UBR1: variants seen among roughly 807,000 people sequenced by gnomAD.
UBR1 encodes the protein E3 ubiquitin-protein ligase UBR1.
Under a neutral mutation model 242.1 loss-of-function variants are expected in UBR1, and 102 were observed. That is an observed-to-expected ratio of 0.42 (90% CI 0.36 to 0.50). The LOEUF (loss-of-function observed/expected upper bound fraction) is 0.50. Ranked by LOEUF, UBR1 falls within the 20% of genes least tolerant of loss-of-function variation. The pLI is 0.01. For missense variants in UBR1, 1,772 were observed against 2,101.8 expected, an observed-to-expected ratio of 0.84 and a Z score of 3.07; for synonymous variants, 675 against 684.8, an observed-to-expected ratio of 0.99 and a Z score of 0.22.
chr15:43,059,276 G>A (rs1596123824), intron 8 of UBR1, 84 bp from the exon 9 acceptor site: 1 of 1,307,080 alleles, frequency 7.7e-7, no homozygotes, highest in East Asian at 2.4e-5. Context: ...TGTTGCCCAG[G>A]TTGGTCTTGA....
intron 27 of UBR1, among the ~76,000 whole-genome samples, chr15:43,020,799 G>A (rs1274437619): frequency 1.3e-5 from 2 of 152,152 alleles, no homozygotes; most frequent in African/African-American, 2.4e-5. Context: ...TCTTCCTGGA[G>A]TACTCTTCCA....
intron 43 of UBR1, 48 bp downstream of exon 43, chr15:42,960,597 A>C (rs2031998171): frequency 1.3e-6 from 2 of 1,587,316 alleles, no homozygotes; most frequent in Admixed American, 1.7e-5. Context: ...CTACTTTAGG[A>C]AACACAACTT....
intron 3 of UBR1, among the ~76,000 whole-genome samples, chr15:43,079,011 T>C (rs2033941830): frequency 2.0e-5 from 3 of 151,970 alleles, no homozygotes; most frequent in Admixed American, 2.0e-4. Context: ...GAAAAGTTAA[T>C]GAATAACATT....
Position 43,042,462 on chromosome 15 carries a change from G to T in UBR1, c.1849+753C>A, listed in dbSNP as rs142647603. Among the ~76,000 whole-genome samples, 86 of 152,260 alleles carry T rather than the reference G, an allele frequency of 5.6e-4. No homozygotes were observed. The East Asian group carries it at 0.015, about 26-fold the overall frequency. ...ATACTGTTTGAGTCAACTTATAATA[G>T]GTACCTAGAGTAGTCAAATTCATAG... is the stretch of plus-strand genomic sequence containing the variant. On this transcript the variant is annotated intron_variant, in intron 15 of 46. Coordinates refer to ENST00000290650, the MANE Select transcript of UBR1 (RefSeq NM_174916.3).
intron 6 of UBR1, among the ~76,000 whole-genome samples, chr15:43,065,599 C>T (rs1222776687): frequency 6.6e-6 from 1 of 152,196 alleles, no homozygotes; most frequent in African/African-American, 2.4e-5. Context: ...TAAATGACAG[C>T]ATGCAGTGTT....
chr15:43,068,973 G>T (rs572976050), intron 5 of UBR1, among the ~76,000 whole-genome samples: 2 of 152,252 alleles, frequency 1.3e-5, no homozygotes, highest in East Asian at 3.9e-4. Context: ...AGCAAGCAAT[G>T]ATAAATAAAC....
intron 39 of UBR1, among the ~76,000 whole-genome samples, chr15:42,975,541 T>C (rs951589251): frequency 6.6e-5 from 10 of 152,162 alleles, no homozygotes; most frequent in African/African-American, 2.4e-4. Flanking sequence ...TTCCTAGAAA[T>C]GGAGTTGGTG....
intron 29 of UBR1, among the ~76,000 whole-genome samples, chr15:43,015,444 G>A (rs1480102654): frequency 6.6e-6 from 1 of 152,052 alleles, no homozygotes; most frequent in East Asian, 1.9e-4. Context: ...CTTGAAGGCA[G>A]CATGCTCGTT....
chr15:42,977,983 T>C, intron 37 of UBR1, 36 bp from the exon 38 acceptor site: 2 of 1,546,492 alleles, frequency 1.3e-6, no homozygotes, highest in Non-Finnish European at 1.8e-6. Context: ...ATTCAGTCAG[T>C]AAGATAGCAG....
At chr15:43,009,077 T>C (rs546676361) in intron 29 of UBR1, among the ~76,000 whole-genome samples, 102 of 152,256 alleles carry the variant, frequency 6.7e-4, no homozygotes, top group African/African-American at 2.3e-3. Flanking sequence ...GCTAGTAACA[T>C]AAACAGGGCT....
chr15:43,097,232 C>G, intron 1 of UBR1, among the ~76,000 whole-genome samples: 1 of 149,786 alleles, frequency 6.7e-6, no homozygotes, highest in Non-Finnish European at 1.5e-5. Context: ...TGAAAAGAAT[C>G]TTTTTTTTTT....
intron 37 of UBR1, among the ~76,000 whole-genome samples, chr15:42,980,358 A>T (rs1007837785): frequency 1.3e-5 from 2 of 152,190 alleles, no homozygotes; most frequent in African/African-American, 4.8e-5. Context: ...AGTTTACATG[A>T]TATAGTGGGA....
chr15:43,084,844 AG>A (rs2034015719), intron 2 of UBR1, among the ~76,000 whole-genome samples: 1 of 152,258 alleles, frequency 6.6e-6, no homozygotes, highest in South Asian at 2.1e-4. Flanking sequence ...AGTTAGGCCT[AG>A]AATTATAAGG....
chr15:43,062,160 A>G (rs2033696513), intron 6 of UBR1, among the ~76,000 whole-genome samples: 1 of 152,148 alleles, frequency 6.6e-6, no homozygotes, highest in Non-Finnish European at 1.5e-5. Context: ...AAGAACTGAA[A>G]GCAAGGACTT....
intron 3 of UBR1, among the ~76,000 whole-genome samples, chr15:43,080,782 C>A (rs147651113): frequency 6.6e-6 from 1 of 152,154 alleles, no homozygotes; most frequent in Non-Finnish European, 1.5e-5. Context: ...GAAACCCCGT[C>A]TCTACTAAAA....
intron 26 of UBR1, among the ~76,000 whole-genome samples, chr15:43,022,079 A>C (rs923304903): frequency 1.3e-5 from 2 of 152,240 alleles, no homozygotes; most frequent in Middle Eastern, 3.4e-3. Context: ...GAAGTGGAGG[A>C]CTGTATATCC....
At position 43,058,470 on chromosome 15, in the gene UBR1, C is replaced by T. The variant is rs768401581; in HGVS notation, c.1094-41G>A. The T allele has an allele frequency of 3.3e-6, 5 of 1,501,228 alleles. No individual in the cohort carries two copies. The South Asian group carries it at 4.8e-5, about 14-fold the overall frequency. 93.0% of individuals were successfully genotyped at this position (1,501,228 alleles called of 1,614,324 possible). On this transcript the variant is annotated intron_variant, in intron 9 of 46. Transcript: ENST00000290650. ...GGGAGGGTGGGGGAATGAGGAGAATCACCAAGGCAAAAACCAAAAACATTC... is the reference window on the plus strand; with the variant it reads ...GGGAGGGTGGGGGAATGAGGAGAATTACCAAGGCAAAAACCAAAAACATTC...
At chr15:43,049,918 G>A (rs2033533263) in intron 12 of UBR1, among the ~76,000 whole-genome samples, 1 of 151,910 alleles carries the variant, frequency 6.6e-6, no homozygotes, top group African/African-American at 2.4e-5. Flanking sequence ...CAACATGTTG[G>A]GCTCTAATTA....
intron 21 of UBR1, among the ~76,000 whole-genome samples, chr15:43,028,512 C>A (rs1268512067): frequency 6.6e-6 from 1 of 151,722 alleles, no homozygotes; most frequent in African/African-American, 2.4e-5. Flanking sequence ...TTTGGGAGGC[C>A]GAGGCGGGTA....
Sources: gnomAD v4.1 joint callset for allele counts (sites outside exome capture counted in the v4.1 genomes callset) on GRCh38, gnomAD v4.1.1 for gene constraint, MANE v1.5 for transcripts, NCBI Gene and HGNC (gene_info 2026-07-23, HGNC 2026-07-21) for gene names.